SPAG16: variants seen among roughly 807,000 people sequenced by gnomAD.
SPAG16 encodes sperm-associated antigen 16 protein.
In SPAG16, 86 loss-of-function variants were observed where a neutral mutation model predicts 80.4. The ratio of observed to expected loss-of-function variants is 1.07; its 90% CI spans 0.90 to 1.28. SPAG16 has a LOEUF of 1.28. Among genes scored for constraint, SPAG16 ranks in the 50% most tolerant of loss-of-function variants. The pLI is 0.00. For missense variants in SPAG16, 870 were observed against 765.3 expected (o/e 1.14, Z -1.61); for synonymous variants, 294 against 265.9 (o/e 1.11, Z -1.03).
chr2:214,256,224 C>T (rs753879069), intron 15 of SPAG16, among the ~76,000 whole-genome samples: 2 of 151,842 alleles, frequency 1.3e-5, no homozygotes, highest in East Asian at 1.9e-4. Context: ...TTTTCATGCA[C>T]GTATTGGCCA....
intron 10 of SPAG16, among the ~76,000 whole-genome samples, chr2:213,772,783 T>C (rs1331022844): frequency 6.6e-6 from 1 of 152,182 alleles, no homozygotes; most frequent in East Asian, 1.9e-4. Flanking sequence ...TAGAATTGAG[T>C]TGAACCTGTA....
chr2:213,470,011 G>C (rs1232960765), intron 9 of SPAG16, among the ~76,000 whole-genome samples: 4 of 152,142 alleles, frequency 2.6e-5, no homozygotes, highest in Non-Finnish European at 5.9e-5. Context: ...AATTTTGCTA[G>C]TGTATCACTA....
intron 10 of SPAG16, among the ~76,000 whole-genome samples, chr2:213,775,976 G>A (rs2069550752): frequency 6.6e-6 from 1 of 152,138 alleles, no homozygotes; most frequent in Admixed American, 6.5e-5. Flanking sequence ...TTCTTTCCAA[G>A]GGTTGTGTAT....
At chr2:213,826,620 C>T (rs776827758) in intron 10 of SPAG16, among the ~76,000 whole-genome samples, 1 of 151,824 alleles carries the variant, frequency 6.6e-6, no homozygotes, top group Non-Finnish European at 1.5e-5. Flanking sequence ...AATATTATTT[C>T]AACTTTTTGA....
At chr2:213,892,428 A>T (rs889667559) in intron 11 of SPAG16, among the ~76,000 whole-genome samples, 1 of 152,180 alleles carries the variant, frequency 6.6e-6, no homozygotes, top group Non-Finnish European at 1.5e-5. Context: ...ATAATAGCAA[A>T]CAGGAAACCA....
chr2:214,049,629 G>C (rs1559734564), intron 13 of SPAG16, among the ~76,000 whole-genome samples: 1 of 152,150 alleles, frequency 6.6e-6, no homozygotes, highest in Admixed American at 6.6e-5. Context: ...TTTTTCTAAT[G>C]TGTCTCAAAA....
At chr2:214,389,854 A>T (rs1436045527) in intron 15 of SPAG16, among the ~76,000 whole-genome samples, 1 of 152,194 alleles carries the variant, frequency 6.6e-6, no homozygotes, top group Admixed American at 6.5e-5. Context: ...TCATTCCATC[A>T]TATCATTGAC....
At chr2:213,530,495 A>G (rs141735408) in intron 10 of SPAG16, among the ~76,000 whole-genome samples, 246 of 152,300 alleles carry the variant, frequency 1.6e-3, no homozygotes, top group African/African-American at 5.6e-3. Context: ...ATTTATATAC[A>G]CCTTTAAAAA....
intron 9 of SPAG16, among the ~76,000 whole-genome samples, chr2:213,383,116 A>G (rs557893868): frequency 1.3e-5 from 2 of 152,152 alleles, no homozygotes; most frequent in Admixed American, 1.3e-4. Context: ...TTCTTGAGCA[A>G]TGTTTGGACA....
At chr2:213,449,896 TTAA>T (rs2071584638) in intron 9 of SPAG16, among the ~76,000 whole-genome samples, 1 of 152,186 alleles carries the variant, frequency 6.6e-6, no homozygotes, top group East Asian at 1.9e-4. Flanking sequence ...GTTTCCAGAG[TTAA>T]TAATTTATAA....
intron 13 of SPAG16, among the ~76,000 whole-genome samples, chr2:214,080,920 A>G (rs908548016): frequency 4.6e-5 from 7 of 151,988 alleles, no homozygotes; most frequent in Non-Finnish European, 8.8e-5. Flanking sequence ...AGAGTTTTCA[A>G]TTGAATAGGT....
chr2:214,252,349 G>A lies in SPAG16; in HGVS notation c.1720+103083G>A, dbSNP rs192187052. On this transcript the variant is annotated intron_variant, in intron 15 of 15. Transcript: ENST00000331683. ...CTGGGGTACATGTGCAGAACGTTCA[G>A]GTTTGTTACATAGGTATACACGTGC... 3.5e-3 allele frequency among the ~76,000 whole-genome samples: 530 copies of A among 151,926 alleles called. 3 individuals carry two copies. Among genetic ancestry groups the A allele is most frequent in the African/African-American group, 0.012 (509 of 41,398 alleles).
At chr2:213,284,863 T>A in intron 1 of SPAG16, 1 of 498,334 alleles carries the variant, frequency 2.0e-6, no homozygotes, top group Middle Eastern at 2.9e-4. Flanking sequence ...TTCCAAGGCC[T>A]CATACTTAGT....
intron 10 of SPAG16, among the ~76,000 whole-genome samples, chr2:213,522,364 A>G (rs541202270): frequency 6.6e-6 from 1 of 152,340 alleles, no homozygotes; most frequent in African/African-American, 2.4e-5. Flanking sequence ...ACCTAACAAA[A>G]AATATTTGCT....
At chr2:214,245,784 A>G (rs1051448891) in intron 15 of SPAG16, among the ~76,000 whole-genome samples, 3 of 152,154 alleles carry the variant, frequency 2.0e-5, no homozygotes, top group Admixed American at 6.6e-5. Context: ...ATTGTATTAC[A>G]TTTGACATTT....
chr2:213,337,672 GAAA>G (rs889895432), intron 5 of SPAG16, among the ~76,000 whole-genome samples: 1 of 151,774 alleles, frequency 6.6e-6, no homozygotes, highest in East Asian at 1.9e-4. Context: ...CAAGAGGAGA[GAAA>G]AAAAGAATGA....
intron 12 of SPAG16, among the ~76,000 whole-genome samples, chr2:213,963,587 G>A (rs577111461): frequency 2.8e-4 from 43 of 152,180 alleles, no homozygotes; most frequent in African/African-American, 6.5e-4. Flanking sequence ...TCCTTCTTGC[G>A]CTTCTGCCTA....
At chr2:214,283,386 A>G (rs999777010) in intron 15 of SPAG16, among the ~76,000 whole-genome samples, 1 of 152,140 alleles carries the variant, frequency 6.6e-6, no homozygotes, top group African/African-American at 2.4e-5. Flanking sequence ...TGCCAGCCCC[A>G]TATTAGCACT....
chr2:213,360,324 C>A (rs890265827), intron 7 of SPAG16, among the ~76,000 whole-genome samples: 1 of 152,246 alleles, frequency 6.6e-6, no homozygotes, highest in Non-Finnish European at 1.5e-5. Context: ...GGAGCCAATG[C>A]AAGTCCTAGT....
Sources: gnomAD v4.1 joint callset for allele counts (sites outside exome capture counted in the v4.1 genomes callset) on GRCh38, gnomAD v4.1.1 for gene constraint, MANE v1.5 for transcripts, NCBI Gene and HGNC (gene_info 2026-07-23, HGNC 2026-07-21) for gene names.